The following NRXN1 variants were observed in gnomAD, a reference collection of about 807,000 sequenced individuals.
The protein encoded by NRXN1 is neurexin 1.
In NRXN1, 39 loss-of-function variants were observed where a neutral mutation model predicts 150.9. The observed-to-expected ratio is 0.26, with a 90% CI of 0.20 to 0.34. NRXN1 has a LOEUF of 0.34. Among genes scored for constraint, NRXN1 ranks in the 10% least tolerant of loss-of-function variants. The pLI, the probability that NRXN1 is intolerant of heterozygous loss-of-function variation, is 1.00. For synonymous variants in NRXN1, 924 were observed against 757.0 expected (o/e 1.22, Z -3.62); for missense variants, 1,815 against 1,949.9 (o/e 0.93, Z 1.30).
chr2:50,579,223 T>A (rs941803238), intron 8 of NRXN1, among the ~76,000 whole-genome samples: 2 of 152,180 alleles, frequency 1.3e-5, no homozygotes, highest in Non-Finnish European at 2.9e-5. Flanking sequence ...GGAAAACTGA[T>A]TATTAGCTAT....
chr2:50,001,443 T>C (rs775727538), intron 21 of NRXN1, among the ~76,000 whole-genome samples: 3 of 152,020 alleles, frequency 2.0e-5, no homozygotes, highest in Non-Finnish European at 4.4e-5. Flanking sequence ...TTAAAGTATG[T>C]AAAGCATTTA....
chr2:50,151,172 G>A (rs945424587), intron 18 of NRXN1, among the ~76,000 whole-genome samples: 1 of 151,630 alleles, frequency 6.6e-6, no homozygotes, highest in African/African-American at 2.4e-5. Flanking sequence ...TGAATCCCGA[G>A]GGCTGGACTT....
At chr2:51,031,136 G>A (rs983734278) in intron 1 of NRXN1, among the ~76,000 whole-genome samples, 8 of 151,926 alleles carry the variant, frequency 5.3e-5, no homozygotes, top group East Asian at 1.9e-4. Context: ...GTATGTGAGC[G>A]AGTATCTGTA....
chr2:50,135,050 A>C (rs2152751743), intron 18 of NRXN1, among the ~76,000 whole-genome samples: 1 of 152,328 alleles, frequency 6.6e-6, no homozygotes, highest in South Asian at 2.1e-4. Context: ...ATGCACCAGA[A>C]TATAATGTGG....
At chr2:50,668,719 T>C (rs1688418538) in intron 5 of NRXN1, among the ~76,000 whole-genome samples, 1 of 152,006 alleles carries the variant, frequency 6.6e-6, no homozygotes, top group African/African-American at 2.4e-5. Flanking sequence ...AACGCATGGA[T>C]AGCATTAACA....
At chr2:50,433,043 A>C (rs990947553) in intron 17 of NRXN1, among the ~76,000 whole-genome samples, 1 of 152,222 alleles carries the variant, frequency 6.6e-6, no homozygotes, top group Non-Finnish European at 1.5e-5. Flanking sequence ...TCCTTAATAA[A>C]AAATGATACA....
At chr2:50,378,191 T>C (rs930443676) in intron 17 of NRXN1, among the ~76,000 whole-genome samples, 2 of 152,188 alleles carry the variant, frequency 1.3e-5, no homozygotes, top group African/African-American at 4.8e-5. Flanking sequence ...CATGGTCTAA[T>C]AACTGACCTT....
chr2:50,983,364 C>T lies in NRXN1; in HGVS notation c.772+44138G>A, dbSNP rs181142038. Reference sequence around the variant, plus strand: ...CCACTGCGAGATGCTTTTCCAGCTCCAGGCTCAAAGAGAGAGTGTTTCATC... The same window carrying T: ...CCACTGCGAGATGCTTTTCCAGCTCTAGGCTCAAAGAGAGAGTGTTTCATC... On this transcript the variant is annotated intron_variant, in intron 2 of 22. Transcript: ENST00000401669. Among the ~76,000 whole-genome samples the T allele has an allele frequency of 4.6e-5, 7 of 152,140 alleles. No homozygotes were observed. In the East Asian group the frequency reaches 1.2e-3, roughly 25 times the overall value.
intron 5 of NRXN1, among the ~76,000 whole-genome samples, chr2:50,708,111 C>T (rs1694687387): frequency 6.6e-6 from 1 of 152,004 alleles, no homozygotes; most frequent in African/African-American, 2.4e-5. Context: ...ATTACGAGTT[C>T]CTAAGCTGGC....
At chr2:50,966,238 T>G (rs560563204) in intron 2 of NRXN1, among the ~76,000 whole-genome samples, 1 of 151,712 alleles carries the variant, frequency 6.6e-6, no homozygotes, top group South Asian at 2.1e-4. Flanking sequence ...TGTATGATCT[T>G]CAGCTGTTAT....
At chr2:50,426,129 C>T (rs1040282690) in intron 17 of NRXN1, among the ~76,000 whole-genome samples, 9 of 152,162 alleles carry the variant, frequency 5.9e-5, no homozygotes, top group African/African-American at 9.7e-5. Context: ...ACTGACCTTG[C>T]CTTTTTGATC....
chr2:50,061,091 C>T (rs997304430), intron 19 of NRXN1, among the ~76,000 whole-genome samples: 1 of 152,046 alleles, frequency 6.6e-6, no homozygotes, highest in Non-Finnish European at 1.5e-5. Context: ...ATGTTGCATA[C>T]TAAAAGGGGT....
chr2:50,217,804 T>C (rs1423144928), intron 18 of NRXN1, among the ~76,000 whole-genome samples: 4 of 152,078 alleles, frequency 2.6e-5, no homozygotes. Context: ...GCATACTTAT[T>C]AAAATATTTT....
chr2:50,720,538 T>C (rs551920808), intron 5 of NRXN1, among the ~76,000 whole-genome samples: 53 of 152,270 alleles, frequency 3.5e-4, no homozygotes, highest in Non-Finnish European at 5.6e-4. Flanking sequence ...CTGAAACAGG[T>C]ATTTGCATTC....
chr2:50,345,639 A>G (rs183712183), intron 17 of NRXN1, among the ~76,000 whole-genome samples: 22 of 152,334 alleles, frequency 1.4e-4, no homozygotes, highest in African/African-American at 4.8e-4. Context: ...GGGAATCTGG[A>G]ATAGATATTT....
At chr2:50,751,744 A>G (rs1477313850) in intron 5 of NRXN1, among the ~76,000 whole-genome samples, 9 of 152,028 alleles carry the variant, frequency 5.9e-5, no homozygotes, top group Admixed American at 5.3e-4. Flanking sequence ...GGCCAGGAAG[A>G]AGGGGAAATT....
chr2:50,030,618 A>C (rs1689043005), intron 21 of NRXN1, among the ~76,000 whole-genome samples: 1 of 152,108 alleles, frequency 6.6e-6, no homozygotes, highest in Admixed American at 6.6e-5. Context: ...CCTTGATTAA[A>C]GTCTTCCTTG....
intron 17 of NRXN1, among the ~76,000 whole-genome samples, chr2:50,422,120 C>T (rs900322303): frequency 6.6e-6 from 1 of 152,106 alleles, no homozygotes; most frequent in African/African-American, 2.4e-5. Flanking sequence ...TCATGTTAAA[C>T]TTGTCAGCTA....
chr2:50,981,387 G>C (rs1053736739), intron 2 of NRXN1, among the ~76,000 whole-genome samples: 17 of 142,768 alleles, frequency 1.2e-4, no homozygotes, highest in Admixed American at 4.4e-4. Context: ...GAACGCAGGA[G>C]GCAGAGGTTG....
Sources: gnomAD v4.1 joint callset for allele counts (sites outside exome capture counted in the v4.1 genomes callset) on GRCh38, gnomAD v4.1.1 for gene constraint, MANE v1.5 for transcripts, NCBI Gene and HGNC (gene_info 2026-07-23, HGNC 2026-07-21) for gene names.